TESC: variants seen among roughly 807,000 people sequenced by gnomAD.
The protein encoded by TESC is calcineurin B homologous protein 3.
TESC carries 19 observed loss-of-function variants against 31.0 expected under a neutral mutation model. That is an observed-to-expected ratio of 0.61 (90% CI 0.43 to 0.90). The LOEUF (loss-of-function observed/expected upper bound fraction) is 0.90. TESC is among the 40% of genes least tolerant of loss of function. The probability of loss-of-function intolerance (pLI) is 0.00; values close to 1 mark genes in which losing one functional copy is unlikely to be tolerated. For missense variants in TESC, 248 were observed against 303.8 expected (o/e 0.82, Z 1.36); for synonymous variants, 109 against 114.8 (o/e 0.95, Z 0.32).
chr12:117,081,488 G>A (rs1259666789), intron 1 of TESC, among the ~76,000 whole-genome samples: 2 of 152,048 alleles, frequency 1.3e-5, no homozygotes, highest in Non-Finnish European at 2.9e-5. Context: ...ATTTGTGTTG[G>A]GCAGCGTTGG....
intron 7 of TESC, among the ~76,000 whole-genome samples, chr12:117,039,417 G>A (rs746667574): frequency 2.0e-4 from 31 of 152,158 alleles, no homozygotes; most frequent in Non-Finnish European, 2.6e-4. Flanking sequence ...TGGTTAATTT[G>A]GCTCTGACAT....
chr12:117,095,412 A>T (rs1466992658), intron 1 of TESC, among the ~76,000 whole-genome samples: 1 of 152,198 alleles, frequency 6.6e-6, no homozygotes, highest in Non-Finnish European at 1.5e-5. Flanking sequence ...AGGCTCCCGT[A>T]CGTAAACACC....
chr12:117,096,399 C>A (rs180814857), intron 1 of TESC, among the ~76,000 whole-genome samples: 95 of 152,270 alleles, frequency 6.2e-4, no homozygotes, highest in Non-Finnish European at 1.1e-3. Flanking sequence ...CATGCCAAGC[C>A]GATCGTCTCG....
intron 3 of TESC, among the ~76,000 whole-genome samples, chr12:117,050,751 G>A (rs1954636882): frequency 6.6e-6 from 1 of 152,180 alleles, no homozygotes; most frequent in Non-Finnish European, 1.5e-5. Flanking sequence ...TGGGCAACAG[G>A]GAGAAACCCT....
At chr12:117,074,759 T>C (rs570646624) in intron 2 of TESC, among the ~76,000 whole-genome samples, 1 of 152,332 alleles carries the variant, frequency 6.6e-6, no homozygotes, top group East Asian at 1.9e-4. Flanking sequence ...CCTTCCTCGC[T>C]TCCACGATAG....
chr12:117,088,774 C>T (rs1320704501), intron 1 of TESC, among the ~76,000 whole-genome samples: 1 of 151,998 alleles, frequency 6.6e-6, no homozygotes, highest in Admixed American at 6.5e-5. Flanking sequence ...CAGATTCTAC[C>T]TTCCATTACA....
intron 3 of TESC, among the ~76,000 whole-genome samples, chr12:117,055,536 C>A (rs1954708696): frequency 6.6e-6 from 1 of 152,304 alleles, no homozygotes; most frequent in South Asian, 2.1e-4. Context: ...CTGTGCTGTC[C>A]CCTCAAGAAG....
chr12:117,048,846 C>CG (rs1449591345), intron 4 of TESC, 173 bp downstream of exon 4: 1 of 1,004,914 alleles, frequency 1.0e-6, no homozygotes, highest in Non-Finnish European at 1.5e-6. Context: ...GTGCCGGGAA[C>CG]GGGAGACAGC....
intron 1 of TESC, among the ~76,000 whole-genome samples, chr12:117,097,686 T>C (rs1330716403): frequency 1.3e-5 from 2 of 152,120 alleles, no homozygotes; most frequent in Non-Finnish European, 2.9e-5. Context: ...TAGTTCAAAA[T>C]GAACATATAA....
chr12:117,072,273 T>TA (rs538278903), intron 2 of TESC, among the ~76,000 whole-genome samples: 2 of 152,070 alleles, frequency 1.3e-5, no homozygotes, highest in Admixed American at 6.5e-5. Flanking sequence ...TGCTTTTTTT[T>TA]CCCCCTAGAG....
At chr12:117,089,315 C>A (rs554371182) in intron 1 of TESC, among the ~76,000 whole-genome samples, 1 of 152,278 alleles carries the variant, frequency 6.6e-6, no homozygotes, top group African/African-American at 2.4e-5. Context: ...TAAGGCTCTT[C>A]TAAAACCCAG....
intron 6 of TESC, among the ~76,000 whole-genome samples, chr12:117,045,225 C>T (rs1260022007): frequency 6.6e-6 from 1 of 152,228 alleles, no homozygotes; most frequent in Non-Finnish European, 1.5e-5. Context: ...CAGGGCTACC[C>T]CCACCTCATG....
intron 2 of TESC, among the ~76,000 whole-genome samples, chr12:117,072,029 C>G (rs1160584202): frequency 6.6e-6 from 1 of 152,144 alleles, no homozygotes; most frequent in Non-Finnish European, 1.5e-5. Flanking sequence ...GTAGGGAATG[C>G]CATTTTAGTA....
intron 1 of TESC, among the ~76,000 whole-genome samples, chr12:117,089,656 T>C (rs560269569): frequency 1.3e-5 from 2 of 152,268 alleles, no homozygotes; most frequent in South Asian, 2.1e-4. Flanking sequence ...AAGGTTGTAA[T>C]AGCTGAAGAG....
chr12:117,069,380 A>G (rs1040678326), intron 2 of TESC, among the ~76,000 whole-genome samples: 1 of 152,076 alleles, frequency 6.6e-6, no homozygotes, highest in African/African-American at 2.4e-5. Flanking sequence ...CTGGGATTAC[A>G]AGCACACACC....
chr12:117,088,169 A>G (rs997157144), intron 1 of TESC, among the ~76,000 whole-genome samples: 4 of 152,210 alleles, frequency 2.6e-5, no homozygotes, highest in South Asian at 2.1e-4. Flanking sequence ...CAATAAATAC[A>G]TATCATTTAT....
chr12:117,056,809 T>C lies in TESC; in HGVS notation c.206A>G (p.Asn69Ser). 3 of 1,614,138 alleles carry C rather than the reference T, an allele frequency of 1.9e-6. No individual in the cohort carries two copies. Among genetic ancestry groups the C allele is most frequent in the African/African-American group, 2.7e-5 (2 of 75,050 alleles). Residue 69 changes from asparagine to serine, a missense_variant, in exon 3 of 8, where the codon AAC (asparagine) becomes AGC (serine). Physicochemically the swap from Asn to Ser is conservative, Grantham distance 46. Coordinates refer to ENST00000335209, the MANE Select transcript of TESC (RefSeq NM_017899.4). ...RSKIVRAFFD[N>S]RNLRKGPSGL... ...TGGTTCAGGGGAAAACGCCCACCTGTTGTCGAAGAAGGCACGAACAATTTT... is the reference window on the plus strand; with the variant it reads ...TGGTTCAGGGGAAAACGCCCACCTGCTGTCGAAGAAGGCACGAACAATTTT...
At chr12:117,087,129 G>A (rs1955228341) in intron 1 of TESC, among the ~76,000 whole-genome samples, 1 of 152,184 alleles carries the variant, frequency 6.6e-6, no homozygotes, top group South Asian at 2.1e-4. Flanking sequence ...CTTTTCCTTG[G>A]ATGCCATGTG....
chr12:117,050,420 A>G (rs1453033078), intron 3 of TESC, among the ~76,000 whole-genome samples: 1 of 152,262 alleles, frequency 6.6e-6, no homozygotes. Context: ...TAATCTGTTT[A>G]TACCCAAATA....
Sources: allele counts gnomAD v4.1 joint callset (sites outside exome capture counted in the v4.1 genomes callset), GRCh38; gene constraint gnomAD v4.1.1; transcripts MANE v1.5; gene names NCBI Gene and HGNC (gene_info 2026-07-23, HGNC 2026-07-21).